Variants in EPHB1 observed in about 807,000 individuals in gnomAD.
The protein encoded by EPHB1 is ephrin type-B receptor 1.
A neutral mutation model predicts 94.4 loss-of-function variants in EPHB1; 30 were observed. That is an observed-to-expected ratio of 0.32 (90% CI 0.24 to 0.43). The LOEUF (loss-of-function observed/expected upper bound fraction) is 0.43. Among genes scored for constraint, EPHB1 ranks in the 20% least tolerant of loss-of-function variants. The probability of loss-of-function intolerance (pLI) is 1.00; values close to 1 mark genes in which losing one functional copy is unlikely to be tolerated. For synonymous variants in EPHB1, 522 were observed against 489.1 expected (o/e 1.07, Z -0.89); for missense variants, 1,055 against 1,308.3 (o/e 0.81, Z 2.99).
chr3:134,805,329 G>A (rs2036021026), intron 1 of EPHB1, among the ~76,000 whole-genome samples: 1 of 152,178 alleles, frequency 6.6e-6, no homozygotes, highest in Non-Finnish European at 1.5e-5. Flanking sequence ...CAAGGAACAA[G>A]GTGTCAGTAT....
intron 1 of EPHB1, among the ~76,000 whole-genome samples, chr3:134,814,138 C>T (rs1235023058): frequency 2.0e-5 from 3 of 152,186 alleles, no homozygotes; most frequent in African/African-American, 7.2e-5. Context: ...GCAAGAAAAC[C>T]AGGGACTTGT....
At chr3:134,881,298 A>G (rs754801283) in intron 1 of EPHB1, among the ~76,000 whole-genome samples, 24 of 152,062 alleles carry the variant, frequency 1.6e-4, no homozygotes, top group Non-Finnish European at 3.4e-4. Context: ...TGTAACATAT[A>G]TGTTGCAGTA....
chr3:134,888,414 C>T (rs936894470), intron 1 of EPHB1, among the ~76,000 whole-genome samples: 1 of 152,166 alleles, frequency 6.6e-6, no homozygotes, highest in Non-Finnish European at 1.5e-5. Flanking sequence ...TCAAGAGAAA[C>T]ATGCCTTTTT....
intron 15 of EPHB1, among the ~76,000 whole-genome samples, chr3:135,253,923 C>T (rs1576504804): frequency 6.7e-6 from 1 of 149,798 alleles, no homozygotes; most frequent in Non-Finnish European, 1.5e-5. Flanking sequence ...TGAAGAGGTC[C>T]TTCACATCCC....
At chr3:135,030,908 C>T (rs144802396) in intron 3 of EPHB1, among the ~76,000 whole-genome samples, 14 of 152,192 alleles carry the variant, frequency 9.2e-5, no homozygotes, top group East Asian at 1.9e-4. Flanking sequence ...GAGCCAGGTG[C>T]GGCATGTAAT....
At chr3:134,911,340 G>C (rs965507047) in intron 1 of EPHB1, among the ~76,000 whole-genome samples, 3 of 150,016 alleles carry the variant, frequency 2.0e-5, no homozygotes, top group Non-Finnish European at 4.4e-5. Flanking sequence ...AGTTGGGCTA[G>C]GGCTGTTTGT....
intron 13 of EPHB1, among the ~76,000 whole-genome samples, chr3:135,244,461 G>A (rs973804272): frequency 3.9e-5 from 6 of 152,214 alleles, no homozygotes; most frequent in Middle Eastern, 3.4e-3. Flanking sequence ...TCCTCTTGTG[G>A]ACCAATGAAA....
intron 3 of EPHB1, among the ~76,000 whole-genome samples, chr3:135,004,392 T>C (rs1935308018): frequency 6.6e-6 from 1 of 152,064 alleles, no homozygotes; most frequent in Admixed American, 6.5e-5. Context: ...GCCCTTAACA[T>C]TTTTTCCTTC....
chr3:135,004,052 C>T (rs1935293854), intron 3 of EPHB1, among the ~76,000 whole-genome samples: 1 of 151,786 alleles, frequency 6.6e-6, no homozygotes, highest in South Asian at 2.1e-4. Context: ...TCTTCCTAGT[C>T]TCGATGGTCT....
At chr3:135,085,427 A>C (rs929265672) in intron 3 of EPHB1, among the ~76,000 whole-genome samples, 3 of 152,204 alleles carry the variant, frequency 2.0e-5, no homozygotes, top group African/African-American at 4.8e-5. Flanking sequence ...ACACATGGAA[A>C]GCTTCTGGAG....
chr3:135,087,544 T>A (rs1167050145), intron 3 of EPHB1, among the ~76,000 whole-genome samples: 1 of 152,196 alleles, frequency 6.6e-6, no homozygotes, highest in East Asian at 1.9e-4. Context: ...TTTATGCTGA[T>A]GGGCAGCAGC....
At chr3:135,058,796 A>G (rs1937414047) in intron 3 of EPHB1, among the ~76,000 whole-genome samples, 2 of 152,238 alleles carry the variant, frequency 1.3e-5, no homozygotes, top group African/African-American at 4.8e-5. Context: ...ATTCATGTTC[A>G]TACAGATGAG....
intron 9 of EPHB1, among the ~76,000 whole-genome samples, chr3:135,173,101 C>G (rs1941855985): frequency 2.0e-5 from 3 of 147,866 alleles, no homozygotes; most frequent in Admixed American, 2.0e-4. Flanking sequence ...GTGGCGGGAT[C>G]TCAGCTCACT....
intron 3 of EPHB1, among the ~76,000 whole-genome samples, chr3:135,030,518 C>T (rs1185493372): frequency 1.3e-5 from 2 of 152,208 alleles, no homozygotes; most frequent in Non-Finnish European, 2.9e-5. Flanking sequence ...TGGAGGGTGC[C>T]TCCCAGTTAG....
At chr3:134,947,898 C>A (rs781190954) in intron 2 of EPHB1, among the ~76,000 whole-genome samples, 2 of 152,102 alleles carry the variant, frequency 1.3e-5, no homozygotes, top group Non-Finnish European at 2.9e-5. Context: ...TCAAGCAATC[C>A]GCCCACTTCA....
At chr3:134,961,043 C>G (rs1578233128) in intron 3 of EPHB1, among the ~76,000 whole-genome samples, 1 of 152,296 alleles carries the variant, frequency 6.6e-6, no homozygotes, top group East Asian at 1.9e-4. Context: ...CTTCCTCATT[C>G]AAATTGGATT....
At chr3:134,872,904 G>A (rs1222182724) in intron 1 of EPHB1, among the ~76,000 whole-genome samples, 1 of 152,148 alleles carries the variant, frequency 6.6e-6, no homozygotes, top group African/African-American at 2.4e-5. Flanking sequence ...ACCCAGCAGA[G>A]GTTTGCTAAA....
At position 134,834,662 on chromosome 3, in the gene EPHB1, A is replaced by G. The variant is rs1578124206; in HGVS notation, c.58+38973A>G. 2.6e-5 allele frequency among the ~76,000 whole-genome samples: 4 copies of G among 152,320 alleles called. No individual in the cohort carries two copies. In the South Asian group the frequency reaches 8.3e-4, roughly 32 times the overall value. On this transcript the variant is annotated intron_variant, in intron 1 of 15. Transcript: ENST00000398015. ...AGATGACCCTATGATCCTGTGGCTC[A>G]TACCCCTCGTTGGTGGTTGGCTTGT...
chr3:134,944,191 T>C (rs1250933793), intron 2 of EPHB1, among the ~76,000 whole-genome samples: 1 of 152,212 alleles, frequency 6.6e-6, no homozygotes, highest in African/African-American at 2.4e-5. Context: ...CTTCTGAACA[T>C]TTCATGTGTA....
Sources: gnomAD v4.1 joint callset for allele counts (sites outside exome capture counted in the v4.1 genomes callset) on GRCh38, gnomAD v4.1.1 for gene constraint, MANE v1.5 for transcripts, NCBI Gene and HGNC (gene_info 2026-07-23, HGNC 2026-07-21) for gene names.